The following ANKRD11 variants were observed in gnomAD, a reference collection of about 807,000 sequenced individuals.
ANKRD11 encodes the protein ankyrin repeat domain-containing protein 11.
Under a neutral mutation model 195.7 loss-of-function variants are expected in ANKRD11, and 17 were observed. The observed-to-expected ratio is 0.09, with a 90% CI of 0.06 to 0.13. The LOEUF is 0.13. Among genes scored for constraint, ANKRD11 ranks in the 10% least tolerant of loss-of-function variants. The pLI is 1.00. For synonymous variants in ANKRD11, 1,953 were observed against 1,528.1 expected (o/e 1.28, Z -6.49); for missense variants, 3,735 against 3,566.1 (o/e 1.05, Z -1.21).
intron 3 of ANKRD11, among the ~76,000 whole-genome samples, chr16:89,309,072 GAAGAC>G (rs551845292): frequency 8.8e-4 from 134 of 152,290 alleles, no homozygotes; most frequent in Admixed American, 2.0e-3. Flanking sequence ...TTCACCACCA[GAAGAC>G]AAGAGAACAC....
Position 89,290,794 on chromosome 16 carries a change from T to C in ANKRD11, c.432A>G (p.Thr144=), listed in dbSNP as rs1231325621. 1 of 1,614,042 alleles carries C rather than the reference T, an allele frequency of 6.2e-7. No homozygotes were observed. Among genetic ancestry groups the C allele is most frequent in the Non-Finnish European group, 8.5e-7 (1 of 1,180,000 alleles). ...DTTPKHPSQS[T]VCQKGTPNSA... Reference sequence around the variant, plus strand: ...AGTTGGGCGTTCCCTTCTGACACACTGTAGACTGGGAGGGGTGCTTTGGTG... The same window carrying C: ...AGTTGGGCGTTCCCTTCTGACACACCGTAGACTGGGAGGGGTGCTTTGGTG... Residue 144 remains threonine (T), a synonymous_variant, in exon 6 of 13, where the codon ACA becomes ACG. Transcript: ENST00000301030.
At chr16:89,481,693 A>AAGATAT in intron 1 of ANKRD11, among the ~76,000 whole-genome samples, 1 of 152,052 alleles carries the variant, frequency 6.6e-6, no homozygotes, top group South Asian at 2.1e-4. Flanking sequence ...ATCATTGCAA[A>AAGATAT]CCCTACACAA....
At chr16:89,482,775 G>C (rs1414939906) in intron 1 of ANKRD11, among the ~76,000 whole-genome samples, 1 of 152,168 alleles carries the variant, frequency 6.6e-6, no homozygotes, top group Non-Finnish European at 1.5e-5. Flanking sequence ...CTGGGCAACA[G>C]AGCCGAGACT....
chr16:89,401,588 T>C (rs951383193), intron 2 of ANKRD11, among the ~76,000 whole-genome samples: 8 of 152,316 alleles, frequency 5.3e-5, no homozygotes, highest in African/African-American at 1.9e-4. Flanking sequence ...CTATGCTTTA[T>C]TTACTGGTGT....
chr16:89,333,908 T>G (rs1036186074), intron 2 of ANKRD11, among the ~76,000 whole-genome samples: 1 of 152,060 alleles, frequency 6.6e-6, no homozygotes, highest in Non-Finnish European at 1.5e-5. Context: ...AACAGAGAGA[T>G]AAACTACTTT....
chr16:89,402,388 G>A (rs1319560003), intron 2 of ANKRD11, among the ~76,000 whole-genome samples: 1 of 152,108 alleles, frequency 6.6e-6, no homozygotes, highest in East Asian at 1.9e-4. Flanking sequence ...TAAATCGGTA[G>A]GCACATCAAT....
At chr16:89,490,001 G>T (rs1470557354) in intron 1 of ANKRD11, among the ~76,000 whole-genome samples, 1 of 24,740 alleles carries the variant, frequency 4.0e-5, no homozygotes, top group East Asian at 2.2e-3. Context: ...CGGCCACCCC[G>T]GGCCCCCAAA....
intron 2 of ANKRD11, among the ~76,000 whole-genome samples, chr16:89,368,174 C>T (rs1415985234): frequency 1.3e-5 from 2 of 151,954 alleles, no homozygotes; most frequent in East Asian, 3.9e-4. Flanking sequence ...TTCCAACATA[C>T]TCTGTCCACT....
chr16:89,305,179 A>C (rs2036108913), intron 4 of ANKRD11, 27 bp downstream of exon 4: 2 of 1,607,004 alleles, frequency 1.2e-6, no homozygotes, highest in African/African-American at 1.3e-5. Context: ...TGGAGGGCTG[A>C]CTGCAGGAGG....
At chr16:89,391,000 G>A (rs2041167975) in intron 2 of ANKRD11, among the ~76,000 whole-genome samples, 1 of 152,110 alleles carries the variant, frequency 6.6e-6, no homozygotes, top group African/African-American at 2.4e-5. Flanking sequence ...AGGCCGAGGT[G>A]GGTGGATCAC....
At chr16:89,372,908 G>A (rs754032212) in intron 2 of ANKRD11, 1 of 152,240 alleles carries the variant, frequency 6.6e-6, no homozygotes, top group Non-Finnish European at 1.5e-5. Context: ...GCTCCCGGGT[G>A]ACCCAGTCCA....
At chr16:89,429,396 G>A (rs528494405) in intron 1 of ANKRD11, among the ~76,000 whole-genome samples, 352 of 19,668 alleles carry the variant, frequency 0.018, no homozygotes, top group African/African-American at 0.031. Context: ...CTCAACTCTC[G>A]CGCTCAGACG....
At chr16:89,439,203 G>A (rs2043343204) in intron 1 of ANKRD11, among the ~76,000 whole-genome samples, 1 of 152,156 alleles carries the variant, frequency 6.6e-6, no homozygotes, top group South Asian at 2.1e-4. Context: ...GTTCAAGGAA[G>A]TCCCACTGTT....
intron 2 of ANKRD11, among the ~76,000 whole-genome samples, chr16:89,334,881 C>A (rs991173193): frequency 6.6e-6 from 1 of 152,088 alleles, no homozygotes; most frequent in Non-Finnish European, 1.5e-5. Flanking sequence ...GAGCCAGACA[C>A]GAGTGTGTCT....
chr16:89,359,468 T>G (rs2039632051), intron 2 of ANKRD11, among the ~76,000 whole-genome samples: 1 of 152,030 alleles, frequency 6.6e-6, no homozygotes. Flanking sequence ...CTGCAGCCCC[T>G]CGGCCCCCAC....
chr16:89,405,490 C>CTT (rs1567758823), intron 2 of ANKRD11, among the ~76,000 whole-genome samples: 1 of 141,030 alleles, frequency 7.1e-6, no homozygotes, highest in African/African-American at 2.8e-5. Context: ...ACACCTGGCT[C>CTT]ATTTTTTTTT....
chr16:89,280,856 C>T lies in ANKRD11; in HGVS notation c.5686G>A (p.Ala1896Thr). ...TCGAGGGAAGGAACCAGCAGCTCGG[C>T]TCTGGGGGAAGGGGAAGGTTTTGCT... is the stretch of plus-strand genomic sequence containing the variant. ...LQAKPSPSPR[A>T]ELLVPSLEGA... Residue 1896 changes from alanine (A) to threonine (T), a missense_variant, in exon 9 of 13, where the codon GCC (alanine) becomes ACC (threonine). By Grantham distance (58) the Ala-to-Thr change is moderately conservative (BLOSUM62 0). Transcript: ENST00000301030. The T allele has an allele frequency of 1.2e-6, 2 of 1,604,808 alleles. No homozygotes were observed. The highest frequency in any genetic ancestry group is 1.1e-5 in the South Asian group (1 of 90,600).
chr16:89,324,820 C>G (rs1015348195), intron 2 of ANKRD11: 2 of 286,196 alleles, frequency 7.0e-6, no homozygotes, highest in Non-Finnish European at 1.4e-5. Context: ...GGGACTCGGA[C>G]TGGCTTCCTG....
intron 4 of ANKRD11, among the ~76,000 whole-genome samples, chr16:89,293,529 G>A: frequency 6.7e-6 from 1 of 149,646 alleles, no homozygotes. Context: ...AGGCGGGGTG[G>A]TGTTGGGGCT....
Sources: allele counts gnomAD v4.1 joint callset (sites outside exome capture counted in the v4.1 genomes callset), GRCh38; gene constraint gnomAD v4.1.1; transcripts MANE v1.5; gene names NCBI Gene and HGNC (gene_info 2026-07-23, HGNC 2026-07-21).